Variants in ADAMTS6 observed in about 807,000 individuals in gnomAD.
ADAMTS6 encodes ADAM metallopeptidase with thrombospondin type 1 motif 6.
Under a neutral mutation model 144.3 loss-of-function variants are expected in ADAMTS6, and 23 were observed. The ratio of observed to expected loss-of-function variants is 0.16; its 90% CI spans 0.11 to 0.23. The LOEUF (loss-of-function observed/expected upper bound fraction) is 0.23. Ranked by LOEUF, ADAMTS6 falls within the 10% of genes least tolerant of loss-of-function variation. The pLI, the probability that ADAMTS6 is intolerant of heterozygous loss-of-function variation, is 1.00. For synonymous variants in ADAMTS6, 444 were observed against 457.5 expected (o/e 0.97, Z 0.38); for missense variants, 999 against 1,379.6 (o/e 0.72, Z 4.37).
At chr5:65,275,399 G>GA (rs1222215279) in intron 11 of ADAMTS6, among the ~76,000 whole-genome samples, 2 of 109,966 alleles carry the variant, frequency 1.8e-5, no homozygotes, top group Non-Finnish European at 4.1e-5. Context: ...AAGAAAGAAA[G>GA]AAAGAAAGAA....
Position 65,214,591 on chromosome 5 carries a change from A to T in ADAMTS6, c.2575+203T>A. On this transcript the variant is annotated intron_variant, in intron 20 of 24. Transcript: ENST00000381055. This position sits in a 1 kb window ranked among gnomAD's most constrained non-coding sequence, Gnocchi z 4.6. ...CATTGTGCCAAGATGTATTTTACCA[A>T]CAAATCTGCACAAATTACATGAGGT... 5.7e-6 allele frequency: 4 copies of T among 701,818 alleles called. No individual in the cohort carries two copies. The highest frequency in any genetic ancestry group is 9.5e-6 in the Non-Finnish European group (4 of 421,320). 43.5% of individuals were successfully genotyped at this position (701,818 alleles called of 1,614,324 possible).
At chr5:65,375,457 A>G (rs1751434058) in intron 7 of ADAMTS6, among the ~76,000 whole-genome samples, 1 of 152,048 alleles carries the variant, frequency 6.6e-6, no homozygotes, top group Non-Finnish European at 1.5e-5. Flanking sequence ...GAAGGACATG[A>G]ACAGACACTT....
intron 7 of ADAMTS6, among the ~76,000 whole-genome samples, chr5:65,351,789 A>T (rs1040648792): frequency 2.6e-5 from 4 of 151,940 alleles, no homozygotes; most frequent in African/African-American, 9.7e-5. Flanking sequence ...CACAGAGAGA[A>T]TTCGTCTTCT....
At chr5:65,224,866 GT>G (rs2112392659) in intron 17 of ADAMTS6, 57 bp downstream of exon 17, 1 of 1,521,742 alleles carries the variant, frequency 6.6e-7, no homozygotes, top group Non-Finnish European at 8.8e-7. Flanking sequence ...CGAAGCGAGG[GT>G]TTTGGCTCCT....
intron 13 of ADAMTS6, 36 bp downstream of exon 13, chr5:65,262,781 T>C (rs777263584): frequency 1.5e-5 from 22 of 1,475,476 alleles, no homozygotes; most frequent in Non-Finnish European, 1.9e-5. Context: ...TCCAACTGTG[T>C]CTTTTTGTTG....
intron 7 of ADAMTS6, among the ~76,000 whole-genome samples, chr5:65,416,853 G>A (rs1755578086): frequency 6.6e-6 from 1 of 151,432 alleles, no homozygotes; most frequent in Non-Finnish European, 1.5e-5. Context: ...AAAACTCAAG[G>A]AGGAGGGACT....
intron 7 of ADAMTS6, among the ~76,000 whole-genome samples, chr5:65,413,176 C>T (rs1166589434): frequency 1.3e-5 from 2 of 152,142 alleles, no homozygotes; most frequent in Non-Finnish European, 2.9e-5. Context: ...CAGACTAAAA[C>T]AGGCTCAGCG....
chr5:65,274,963 C>A (rs1047232052), intron 11 of ADAMTS6, among the ~76,000 whole-genome samples: 1 of 152,024 alleles, frequency 6.6e-6, no homozygotes. Context: ...AGATTACAGG[C>A]GTGAGCCACC....
chr5:65,261,892 TA>T (rs991339744), intron 13 of ADAMTS6, among the ~76,000 whole-genome samples: 5 of 151,152 alleles, frequency 3.3e-5, no homozygotes, highest in African/African-American at 1.2e-4. Flanking sequence ...GATCCTGAGT[TA>T]AAAATGGAGA....
chr5:65,372,884 GAA>G (rs983133627), intron 7 of ADAMTS6, among the ~76,000 whole-genome samples: 3 of 151,676 alleles, frequency 2.0e-5, no homozygotes, highest in African/African-American at 7.3e-5. Flanking sequence ...AAATGTAAAA[GAA>G]CAGAAATTAT....
At chr5:65,467,380 T>C (rs914425770) in intron 3 of ADAMTS6, among the ~76,000 whole-genome samples, 1 of 151,986 alleles carries the variant, frequency 6.6e-6, no homozygotes, top group South Asian at 2.1e-4. Flanking sequence ...AGAAAACCCA[T>C]AGTTAGCCAT....
chr5:65,258,550 G>C (rs1760893717), intron 14 of ADAMTS6, among the ~76,000 whole-genome samples: 1 of 152,158 alleles, frequency 6.6e-6, no homozygotes, highest in South Asian at 2.1e-4. Flanking sequence ...ATCGAGGACT[G>C]GATAGCAAAG....
At chr5:65,188,650 T>C (rs1754817430) in intron 21 of ADAMTS6, among the ~76,000 whole-genome samples, 1 of 152,120 alleles carries the variant, frequency 6.6e-6, no homozygotes. Context: ...CCAATTTTTG[T>C]AGTGTAAAAA....
intron 7 of ADAMTS6, among the ~76,000 whole-genome samples, chr5:65,395,542 G>A (rs1334032442): frequency 6.6e-6 from 1 of 152,124 alleles, no homozygotes; most frequent in African/African-American, 2.4e-5. Flanking sequence ...TGCTGTTGCT[G>A]TTGTTTAGTG....
At chr5:65,405,452 T>C (rs1475397096) in intron 7 of ADAMTS6, among the ~76,000 whole-genome samples, 1 of 152,174 alleles carries the variant, frequency 6.6e-6, no homozygotes, top group Non-Finnish European at 1.5e-5. Context: ...GATCAGATGG[T>C]TGTAGATGTG....
intron 8 of ADAMTS6, among the ~76,000 whole-genome samples, chr5:65,331,264 A>C (rs943919999): frequency 2.0e-5 from 3 of 152,070 alleles, no homozygotes; most frequent in Admixed American, 1.3e-4. Flanking sequence ...TACATTTCCC[A>C]AAATCTATTA....
chr5:65,248,602 A>C (rs1759847375), intron 14 of ADAMTS6, among the ~76,000 whole-genome samples: 1 of 151,538 alleles, frequency 6.6e-6, no homozygotes. Flanking sequence ...GGAGTTTGAG[A>C]CCAGCCTGGA....
intron 9 of ADAMTS6, among the ~76,000 whole-genome samples, chr5:65,313,581 C>T (rs1229839500): frequency 1.3e-5 from 2 of 151,834 alleles, no homozygotes; most frequent in African/African-American, 4.8e-5. Context: ...ATGTTCTAAT[C>T]TGAAAAATCT....
intron 7 of ADAMTS6, among the ~76,000 whole-genome samples, chr5:65,392,893 A>G (rs1213669235): frequency 1.3e-5 from 2 of 152,192 alleles, no homozygotes; most frequent in Admixed American, 6.5e-5. Context: ...ATTATATTTT[A>G]CATGTCTTTC....
Sources: allele counts gnomAD v4.1 joint callset (sites outside exome capture counted in the v4.1 genomes callset), GRCh38; gene constraint gnomAD v4.1.1; non-coding constraint Gnocchi (gnomAD v3.1); transcripts MANE v1.5; gene names NCBI Gene and HGNC (gene_info 2026-07-23, HGNC 2026-07-21).